ALG9: variants seen among roughly 807,000 people sequenced by gnomAD.
ALG9 encodes alpha-1,2-mannosyltransferase ALG9.
A neutral mutation model predicts 81.8 loss-of-function variants in ALG9; 55 were observed. The ratio of observed to expected loss-of-function variants is 0.67; its 90% CI spans 0.54 to 0.84. The LOEUF is 0.84. Among genes scored for constraint, ALG9 ranks in the 40% least tolerant of loss-of-function variants. The pLI is 0.00. For missense variants in ALG9, 629 were observed against 745.0 expected (o/e 0.84, Z 1.81); for synonymous variants, 278 against 274.3 (o/e 1.01, Z -0.13).
intron 8 of ALG9, among the ~76,000 whole-genome samples, chr11:111,846,253 C>T (rs546393109): frequency 1.3e-5 from 2 of 152,276 alleles, no homozygotes; most frequent in Admixed American, 6.5e-5. Context: ...TCTGACTCAC[C>T]TTTTTCTTAA....
intron 4 of ALG9, chr11:111,864,540 T>C (rs1425299091): frequency 3.3e-5 from 21 of 631,142 alleles, no homozygotes; most frequent in Middle Eastern, 4.4e-4. Context: ...TTGAAGCCTG[T>C]ACAAAAGCTT....
At chr11:111,832,242 A>T (rs1303194758) in intron 13 of ALG9, among the ~76,000 whole-genome samples, 1 of 152,124 alleles carries the variant, frequency 6.6e-6, no homozygotes, top group Non-Finnish European at 1.5e-5. Flanking sequence ...ACCATTTAAC[A>T]TATGTAAAAT....
downstream of ALG9, among the ~76,000 whole-genome samples, chr11:111,780,382 GTTTT>G (rs1222140226): frequency 4.3e-5 from 6 of 140,668 alleles, no homozygotes; most frequent in African/African-American, 1.5e-4. Context: ...ATAATTTGCC[GTTTT>G]TTTTTTTGTT....
At chr11:111,859,313 C>T (rs1959198778) in intron 5 of ALG9, among the ~76,000 whole-genome samples, 1 of 151,888 alleles carries the variant, frequency 6.6e-6, no homozygotes, top group Non-Finnish European at 1.5e-5. Context: ...AACAGCCTGA[C>T]CAACATGGTG....
In ALG9 at chr11:111,854,023, C is replaced by G. The variant is rs55820065; in HGVS notation, c.702-287G>C. Among the ~76,000 whole-genome samples, 44,604 of 151,672 alleles carry G rather than the reference C, an allele frequency of 0.29. 7,445 individuals are homozygous for G. The highest frequency in any genetic ancestry group is 0.59 in the East Asian group (3,019 of 5,148). On this transcript the variant is annotated intron_variant, in intron 6 of 14. Transcript: ENST00000616540. ...TGTGCCCTACTGTCTTACACCCACC[C>G]TGCCAAATAAATAAGTACTAACCTC...
chr11:111,837,033 C>G (rs564002355), intron 12 of ALG9, among the ~76,000 whole-genome samples: 14 of 152,352 alleles, frequency 9.2e-5, no homozygotes, highest in African/African-American at 3.1e-4. Flanking sequence ...TTAACCACAG[C>G]CTTCCCCAGT....
downstream of ALG9, among the ~76,000 whole-genome samples, chr11:111,777,972 A>G (rs1411219390): frequency 6.6e-6 from 1 of 152,178 alleles, no homozygotes; most frequent in Non-Finnish European, 1.5e-5. Context: ...AGCTCAAGAG[A>G]AGCTCTCTCT....
chr11:111,841,792 C>G (rs2136901378), intron 9 of ALG9, among the ~76,000 whole-genome samples: 1 of 152,276 alleles, frequency 6.6e-6, no homozygotes, highest in Non-Finnish European at 1.5e-5. Flanking sequence ...TCTTGAACTA[C>G]AATAACAAGA....
intron 2 of ALG9, among the ~76,000 whole-genome samples, chr11:111,869,285 C>A (rs1025666137): frequency 6.6e-6 from 1 of 152,162 alleles, no homozygotes; most frequent in African/African-American, 2.4e-5. Flanking sequence ...TCTCCTTAAA[C>A]AACCTACACT....
At position 111,797,259 on chromosome 11, in the gene ALG9, C is replaced by T. The variant is rs568180714; in HGVS notation, c.1734-10739G>A. 5.9e-5 allele frequency among the ~76,000 whole-genome samples: 9 copies of T among 152,260 alleles called. No individual in the cohort carries two copies. In the South Asian group the frequency reaches 1.9e-3, roughly 32 times the overall value. On this transcript the variant is annotated intron_variant, in intron 14 of 14. Transcript: ENST00000616540. ...TACTGTGTGACTTCCAAGGCTAGGTCATAAAAAATTATGCAGGTCTTGAGA... is the reference window on the plus strand; with the variant it reads ...TACTGTGTGACTTCCAAGGCTAGGTTATAAAAAATTATGCAGGTCTTGAGA...
chr11:111,820,593 T>C (rs1222216490), intron 13 of ALG9, among the ~76,000 whole-genome samples: 1 of 152,198 alleles, frequency 6.6e-6, no homozygotes, highest in African/African-American at 2.4e-5. Context: ...AAGTTCCCAA[T>C]ACATGAACTT....
At position 111,837,508 on chromosome 11, in the gene ALG9, C is replaced by G. The variant is rs1955508150; in HGVS notation, c.1432G>C (p.Glu478Gln). 2.5e-6 allele frequency: 4 copies of G among 1,614,174 alleles called. No homozygotes were observed. Among genetic ancestry groups the G allele is most frequent in the Non-Finnish European group, 1.7e-6 (2 of 1,179,998 alleles). The change falls in exon 12 of 15, where the codon GAG (glutamate) becomes CAG (glutamine). Residue 478 changes from glutamate (E) to glutamine (Q), a missense_variant. Glu to Gln is a conservative substitution (Grantham distance 29, BLOSUM62 2). This residue lies in a region of ALG9 where 264 missense variants were observed against 302.2 expected (regional missense o/e 0.87). Coordinates refer to ENST00000616540, the MANE Select transcript of ALG9 (RefSeq NM_024740.2). ...GRPVNVCVGK[E>Q]WYRFPSSFLL... ...AAGCTGCTGGGAAATCGATACCACT[C>G]TTTTCCCACACAGACATTCACAGGT...
chr11:111,817,936 G>A (rs945626349), intron 13 of ALG9, among the ~76,000 whole-genome samples: 3 of 151,936 alleles, frequency 2.0e-5, no homozygotes, highest in South Asian at 2.1e-4. Flanking sequence ...CCGCCACCAC[G>A]GCTGGCTAAT....
At chr11:111,772,667 C>A in the ALG9 span, among the ~76,000 whole-genome samples, 7 of 152,122 alleles carry the variant, frequency 4.6e-5, no homozygotes, top group African/African-American at 9.7e-5. Flanking sequence ...ATAGGTAGTG[C>A]CTGGCAAGAG....
At chr11:111,780,597 G>A (rs1260271854), downstream of ALG9, among the ~76,000 whole-genome samples, 1 of 151,716 alleles carries the variant, frequency 6.6e-6, no homozygotes. Context: ...GGGTTTCACC[G>A]TGTAGGCCAG....
At chr11:111,795,652 T>A (rs1258317175) in intron 14 of ALG9, among the ~76,000 whole-genome samples, 1 of 152,240 alleles carries the variant, frequency 6.6e-6, no homozygotes, top group African/African-American at 2.4e-5. Flanking sequence ...AAATACATTA[T>A]GTGTAATGAC....
chr11:111,820,354 A>AG (rs1250146605), intron 13 of ALG9, among the ~76,000 whole-genome samples: 35 of 152,214 alleles, frequency 2.3e-4, no homozygotes, highest in African/African-American at 8.0e-4. Context: ...GCGCCTGGTA[A>AG]GGGCCTTCTT....
intron 4 of ALG9, among the ~76,000 whole-genome samples, chr11:111,861,140 G>T (rs918928761): frequency 1.3e-5 from 2 of 152,182 alleles, no homozygotes; most frequent in Admixed American, 6.5e-5. Context: ...AAAAGGCTAG[G>T]AGATAGATGA....
At chr11:111,822,636 C>A (rs1363285543) in intron 13 of ALG9, among the ~76,000 whole-genome samples, 2 of 151,896 alleles carry the variant, frequency 1.3e-5, no homozygotes, top group Non-Finnish European at 2.9e-5. Flanking sequence ...TCACCTGAGT[C>A]CAGGAAGTTG....
Sources: gnomAD v4.1 joint callset for allele counts (sites outside exome capture counted in the v4.1 genomes callset) on GRCh38, gnomAD v4.1.1 for gene constraint, gnomAD v4.1.1 regional missense constraint, MANE v1.5 for transcripts, NCBI Gene and HGNC (gene_info 2026-07-23, HGNC 2026-07-21) for gene names.